CSMD1: variants seen among roughly 807,000 people sequenced by gnomAD.
CSMD1 encodes CUB and sushi domain-containing protein 1.
In CSMD1, 213 loss-of-function variants were observed where a neutral mutation model predicts 417.5. The observed-to-expected ratio is 0.51, with a 90% CI of 0.46 to 0.57. The LOEUF is 0.57. Among genes scored for constraint, CSMD1 ranks in the 20% least tolerant of loss-of-function variants. CSMD1 has a pLI of 0.00. For synonymous variants in CSMD1, 2,862 were observed against 1,736.8 expected, an observed-to-expected ratio of 1.65 and a Z score of -16.11; for missense variants, 6,923 against 4,529.7, an observed-to-expected ratio of 1.53 and a Z score of -15.17.
At chr8:3,957,329 A>G (rs1812024319) in intron 5 of CSMD1, among the ~76,000 whole-genome samples, 1 of 152,170 alleles carries the variant, frequency 6.6e-6, no homozygotes, top group South Asian at 2.1e-4. Context: ...TTCATTCAAC[A>G]AATATTTATG....
At chr8:4,126,054 C>T (rs35061806) in intron 3 of CSMD1, among the ~76,000 whole-genome samples, 22,854 of 151,856 alleles carry the variant, frequency 0.15, 1,882 homozygotes, top group South Asian at 0.29. Flanking sequence ...TTAATCTGGC[C>T]CGACCAGTTT....
chr8:3,334,645 C>T (rs1001785630), intron 23 of CSMD1, among the ~76,000 whole-genome samples: 1 of 152,228 alleles, frequency 6.6e-6, no homozygotes, highest in Non-Finnish European at 1.5e-5. Flanking sequence ...AGATCACCCA[C>T]CTTCACCTTT....
intron 28 of CSMD1, among the ~76,000 whole-genome samples, chr8:3,220,005 TGTG>T (rs1007781323): frequency 1.3e-5 from 2 of 151,860 alleles, no homozygotes; most frequent in Non-Finnish European, 2.9e-5. Context: ...GTTAGTAGAG[TGTG>T]GTGGTGCACA....
chr8:3,174,414 G>A (rs770693570), intron 37 of CSMD1, among the ~76,000 whole-genome samples: 3 of 152,146 alleles, frequency 2.0e-5, no homozygotes, highest in Admixed American at 6.5e-5. Flanking sequence ...AGGATTGCTT[G>A]AACCCAAGAG....
At position 3,284,299 on chromosome 8, in the gene CSMD1, T is replaced by C. The variant is rs746878308; in HGVS notation, c.3998A>G (p.Lys1333Arg). ...FDTEMAHDIL[K>R]VWDGPVDSDI... is the part of the protein sequence containing the mutation. ...ACTGTCCACCGGCCCGTCCCAGACC[T>C]TGAGGATGTCGTGAGCCATCTCCGT... is the stretch of plus-strand genomic sequence containing the variant. The change falls in exon 26 of 70, where the codon AAG becomes AGG. Residue 1333 changes from lysine (K) to arginine (R), a missense_variant. Transcript: ENST00000635120. The C allele has an allele frequency of 6.2e-7, 1 of 1,613,946 alleles. No individual in the cohort carries two copies. The highest frequency in any genetic ancestry group is 8.5e-7 in the Non-Finnish European group (1 of 1,179,874).
intron 5 of CSMD1, among the ~76,000 whole-genome samples, chr8:3,877,522 G>A (rs143680428): frequency 1.3e-5 from 2 of 152,246 alleles, no homozygotes; most frequent in African/African-American, 4.8e-5. Context: ...ATACCCTCAA[G>A]CTTCGATGTT....
At chr8:3,367,661 A>C (rs1809686069) in intron 19 of CSMD1, among the ~76,000 whole-genome samples, 1 of 152,240 alleles carries the variant, frequency 6.6e-6, no homozygotes, top group South Asian at 2.1e-4. Flanking sequence ...AAACAACAAA[A>C]ATAAATACTT....
chr8:4,286,443 C>T (rs564051136), intron 3 of CSMD1, among the ~76,000 whole-genome samples: 10 of 152,150 alleles, frequency 6.6e-5, no homozygotes, highest in Admixed American at 2.6e-4. Flanking sequence ...TATGTTTAGT[C>T]GGTTGCAATA....
intron 2 of CSMD1, among the ~76,000 whole-genome samples, chr8:4,578,930 T>G (rs998180571): frequency 3.3e-5 from 5 of 150,732 alleles, no homozygotes; most frequent in Non-Finnish European, 5.9e-5. Context: ...TGTGGAAAAA[T>G]ATTAAATCAA....
At chr8:4,887,732 T>C (rs2116985218) in intron 1 of CSMD1, among the ~76,000 whole-genome samples, 1 of 152,164 alleles carries the variant, frequency 6.6e-6, no homozygotes, top group East Asian at 1.9e-4. Context: ...TATATTTACA[T>C]TTGTTATATT....
chr8:4,229,830 G>C (rs1585061322), intron 3 of CSMD1, among the ~76,000 whole-genome samples: 2 of 152,196 alleles, frequency 1.3e-5, no homozygotes, highest in African/African-American at 4.8e-5. Context: ...TGAATCCCAA[G>C]AGGGCCGGGA....
Position 3,885,294 on chromosome 8 carries a change from C to A in CSMD1, c.818+112609G>T, listed in dbSNP as rs147013626. 5.7e-4 allele frequency among the ~76,000 whole-genome samples: 87 copies of A among 152,206 alleles called. 2 individuals carry two copies. In the East Asian group the frequency reaches 0.015, roughly 26 times the overall value. On this transcript the variant is annotated intron_variant, in intron 5 of 69. Coordinates refer to ENST00000635120, the MANE Select transcript of CSMD1 (RefSeq NM_033225.6). The stretch of plus-strand genomic sequence containing the variant: ...GACAGGTGTGAGTTATAGAATCAAT[C>A]TGACCTTTTCAGGGGTTTGTCAGTA...
chr8:4,711,269 A>G (rs1472156966), intron 1 of CSMD1, among the ~76,000 whole-genome samples: 1 of 152,152 alleles, frequency 6.6e-6, no homozygotes, highest in East Asian at 1.9e-4. Flanking sequence ...CACACTTATA[A>G]AAGAGCACTT....
At chr8:4,018,242 T>C (rs1392593533) in intron 4 of CSMD1, among the ~76,000 whole-genome samples, 1 of 152,256 alleles carries the variant, frequency 6.6e-6, no homozygotes, top group Non-Finnish European at 1.5e-5. Context: ...TGACTTTTTA[T>C]GATTTAAACA....
chr8:4,050,925 T>G (rs529584490), intron 3 of CSMD1, among the ~76,000 whole-genome samples: 1 of 152,092 alleles, frequency 6.6e-6, no homozygotes, highest in East Asian at 1.9e-4. Flanking sequence ...TGAAGTGACC[T>G]ATATTCCCAT....
chr8:3,593,699 C>T (rs144242271), intron 8 of CSMD1, among the ~76,000 whole-genome samples: 248 of 152,308 alleles, frequency 1.6e-3, no homozygotes, highest in Non-Finnish European at 3.0e-3. Flanking sequence ...AATAAAACTA[C>T]ATTTTATACA....
intron 1 of CSMD1, among the ~76,000 whole-genome samples, chr8:4,791,075 AGAGACGGTGAG>A (rs1297199076): frequency 2.0e-5 from 3 of 152,036 alleles, no homozygotes; most frequent in Non-Finnish European, 2.9e-5. Flanking sequence ...AGACGGTGAG[AGAGACGGTGAG>A]AGAGACGGTG....
intron 3 of CSMD1, among the ~76,000 whole-genome samples, chr8:4,161,238 T>C (rs78270628): frequency 8.7e-4 from 132 of 152,300 alleles, no homozygotes; most frequent in African/African-American, 3.1e-3. Context: ...GCAAGCACTC[T>C]TACCATCTGC....
intron 5 of CSMD1, among the ~76,000 whole-genome samples, chr8:3,813,975 C>G (rs377576974): frequency 2.0e-5 from 3 of 152,188 alleles, no homozygotes; most frequent in East Asian, 1.9e-4. Context: ...ATATGTGATT[C>G]TTACCTAAGT....
Sources: allele counts gnomAD v4.1 joint callset (sites outside exome capture counted in the v4.1 genomes callset), GRCh38; gene constraint gnomAD v4.1.1; transcripts MANE v1.5; gene names NCBI Gene and HGNC (gene_info 2026-07-23, HGNC 2026-07-21).